EFCAB8: variants seen among roughly 807,000 people sequenced by gnomAD.
EFCAB8 encodes EF-hand calcium-binding domain-containing protein 8.
In EFCAB8, 100 loss-of-function variants were observed where a neutral mutation model predicts 116.3. The ratio of observed to expected loss-of-function variants is 0.86; its 90% CI spans 0.73 to 1.02. EFCAB8 has a LOEUF of 1.02. Ranked by LOEUF, EFCAB8 falls within the 50% of genes least tolerant of loss-of-function variation. The probability of loss-of-function intolerance (pLI) is 0.00; values close to 1 mark genes in which losing one functional copy is unlikely to be tolerated. For synonymous variants in EFCAB8, 558 were observed against 567.9 expected (o/e 0.98, Z 0.25); for missense variants, 1,320 against 1,416.9 (o/e 0.93, Z 1.10).
intron 23 of EFCAB8, among the ~76,000 whole-genome samples, chr20:32,949,898 G>C (rs539972117): frequency 6.6e-6 from 1 of 152,338 alleles, no homozygotes; most frequent in African/African-American, 2.4e-5. Context: ...TACTCGGGAG[G>C]CTGAGGCACA....
At chr20:32,862,636 T>A (rs1984170090) in intron 1 of EFCAB8, among the ~76,000 whole-genome samples, 1 of 152,090 alleles carries the variant, frequency 6.6e-6, no homozygotes, top group South Asian at 2.1e-4. Flanking sequence ...TTTTATTTTT[T>A]ATTTTTTTGG....
At chr20:32,893,013 G>C (rs914724101) in intron 8 of EFCAB8, among the ~76,000 whole-genome samples, 161 bp from the exon 9 acceptor site, 2 of 151,914 alleles carry the variant, frequency 1.3e-5, no homozygotes, top group African/African-American at 4.8e-5. Flanking sequence ...GCTAATTTTT[G>C]TATTTTTAGT....
At chr20:32,883,507 T>G (rs6141353) in intron 5 of EFCAB8, among the ~76,000 whole-genome samples, 98,363 of 152,044 alleles carry the variant, frequency 0.65, 32,281 homozygotes, top group Middle Eastern at 0.76. Flanking sequence ...ATAGCTTGAA[T>G]GGCGATTTAC....
chr20:32,891,597 C>G (rs1311782112), intron 7 of EFCAB8, among the ~76,000 whole-genome samples: 2 of 152,226 alleles, frequency 1.3e-5, no homozygotes, highest in African/African-American at 4.8e-5. Context: ...GGTACTCAGA[C>G]AAGGCCAAAA....
At chr20:32,915,012 C>T (rs1454742168) in intron 17 of EFCAB8, among the ~76,000 whole-genome samples, 1 of 152,136 alleles carries the variant, frequency 6.6e-6, no homozygotes, top group Non-Finnish European at 1.5e-5. Context: ...ATCCTCCCAC[C>T]CCAGCCTCCA....
chr20:32,860,525 G>A (rs1037769926), intron 1 of EFCAB8, among the ~76,000 whole-genome samples: 1 of 25,752 alleles, frequency 3.9e-5, no homozygotes, highest in African/African-American at 2.2e-4. Context: ...TTTTTTTTTT[G>A]AGATGGAGTC....
rs1056904181 is a variant in EFCAB8, at chr20:32,938,871, A to T, written c.2791-4765A>T. Among the ~76,000 whole-genome samples, 10 of 149,724 alleles carry T rather than the reference A, an allele frequency of 6.7e-5. 1 individual carries two copies. The highest frequency in any genetic ancestry group is 4.0e-4 in the Admixed American group (6 of 15,108). On this transcript the variant is annotated intron_variant, in intron 22 of 26. Transcript: ENST00000400522. ...CCCAAATTGATTTAATGCAATTTATATCAAAATCCCAGCTGCTTTCTCTTC... is the reference window on the plus strand; with the variant it reads ...CCCAAATTGATTTAATGCAATTTATTTCAAAATCCCAGCTGCTTTCTCTTC...
intron 20 of EFCAB8, among the ~76,000 whole-genome samples, chr20:32,925,257 T>C (rs1389647744): frequency 6.6e-6 from 1 of 152,202 alleles, no homozygotes; most frequent in African/African-American, 2.4e-5. Context: ...TCTCACTCTG[T>C]TGTCCAGGCT....
At chr20:32,929,017 C>T (rs1459068463) in intron 20 of EFCAB8, among the ~76,000 whole-genome samples, 1 of 151,446 alleles carries the variant, frequency 6.6e-6, no homozygotes, top group East Asian at 1.9e-4. Context: ...TCCTTGCATT[C>T]CAGGAATAAA....
chr20:32,909,907 C>T lies in EFCAB8; in HGVS notation c.1533C>T (p.Val511=), dbSNP rs1405226096. 7 of 1,249,396 alleles carry T rather than the reference C, an allele frequency of 5.6e-6. No individual in the cohort carries two copies. The highest frequency in any genetic ancestry group is 7.1e-6 in the Non-Finnish European group (7 of 988,004). The allele number at this position is 1,249,396 out of a possible 1,614,324, so 77.4% of individuals were successfully genotyped here. The change falls in exon 15 of 27, where the codon GTC becomes GTT. Residue 511 remains valine (V), a synonymous_variant. Coordinates refer to ENST00000400522, the MANE Select transcript of EFCAB8 (RefSeq NM_001143967.2). ...CTCATTGCTCACCCCTGTGTGCTGTCCTCTACAGCAAGATCTTTAAGCAGG... is the reference window on the plus strand; with the variant it reads ...CTCATTGCTCACCCCTGTGTGCTGTTCTCTACAGCAAGATCTTTAAGCAGG... The part of the protein sequence containing the change: ...RTTHCSPLCA[V]LYSKIFKQVV...
chr20:32,948,405 G>C (rs1988672821), intron 23 of EFCAB8, among the ~76,000 whole-genome samples: 1 of 151,926 alleles, frequency 6.6e-6, no homozygotes, highest in Admixed American at 6.6e-5. Flanking sequence ...ATATTTGAAG[G>C]GGAAATAATA....
Position 32,918,439 on chromosome 20 carries a change from C to T in EFCAB8, c.2139C>T (p.Tyr713=). 3.2e-6 allele frequency: 5 copies of T among 1,551,738 alleles called. No homozygotes were observed. The highest frequency in any genetic ancestry group is 4.4e-6 in the Non-Finnish European group (5 of 1,147,004). ...ATGTGGAGCGGGAGAAGTGGACATA[C>T]AAGACCTCCAGGAAGCTCTCCAGTC... The part of the protein sequence containing the change: ...RPYVEREKWT[Y]KTSRKLSSLS... The change falls in exon 19 of 27, where the codon TAC becomes TAT. Residue 713 remains tyrosine, a synonymous_variant. Coordinates refer to ENST00000400522, the MANE Select transcript of EFCAB8 (RefSeq NM_001143967.2).
At chr20:32,960,296 C>G (rs1350775423) in intron 26 of EFCAB8, 135 bp downstream of exon 26, 8 of 853,970 alleles carry the variant, frequency 9.4e-6, no homozygotes, top group South Asian at 8.6e-5. Flanking sequence ...TAACAGGATT[C>G]TGGGCCATGG....
intron 10 of EFCAB8, among the ~76,000 whole-genome samples, chr20:32,898,085 A>C (rs1986249543): frequency 6.6e-6 from 1 of 152,206 alleles, no homozygotes; most frequent in Non-Finnish European, 1.5e-5. Context: ...ACTCCACGCT[A>C]TGACAAACAT....
intron 22 of EFCAB8, among the ~76,000 whole-genome samples, chr20:32,940,003 G>GCCTCCCTCCTTCCCTC (rs1988342142): frequency 1.7e-5 from 1 of 57,930 alleles, no homozygotes; most frequent in African/African-American, 8.4e-5. Context: ...CTGCCTGCCT[G>GCCTCCCTCCTTCCCTC]CCTCCCTCCC....
chr20:32,931,602 C>A (rs1987914100), intron 22 of EFCAB8, among the ~76,000 whole-genome samples: 1 of 152,008 alleles, frequency 6.6e-6, no homozygotes, highest in Admixed American at 6.5e-5. Flanking sequence ...ACTAAAAATA[C>A]AAAAATTAGC....
At chr20:32,893,043 G>T in intron 8 of EFCAB8, 131 bp from the exon 9 acceptor site, 3 of 1,084,346 alleles carry the variant, frequency 2.8e-6, no homozygotes, top group South Asian at 3.1e-5. Context: ...GTTTCACCAC[G>T]TTGGCCAGGC....
chr20:32,900,851 AGCC>A (rs1262694312), intron 11 of EFCAB8, among the ~76,000 whole-genome samples: 2 of 152,014 alleles, frequency 1.3e-5, no homozygotes, highest in African/African-American at 2.4e-5. Flanking sequence ...TACAGGCGTG[AGCC>A]ACCATGCCCG....
rs200436868 is a variant in EFCAB8, at chr20:32,895,573, TTC to T, written c.884-879_884-878del. Among the ~76,000 whole-genome samples the T allele has an allele frequency of 4.2e-3, 634 of 149,222 alleles. 3 individuals carry two copies. Among genetic ancestry groups the T allele is most frequent in the African/African-American group, 0.014 (573 of 40,054 alleles). ...ACTGGTATCTTTTTTCTTTCTTTCT[TTC>T]TTTTTTTTTTTTTTAAGGCAGAGTC... is the stretch of plus-strand genomic sequence containing the variant. On this transcript the variant is annotated intron_variant, in intron 9 of 26. Transcript: ENST00000400522.
Sources: gnomAD v4.1 joint callset for allele counts (sites outside exome capture counted in the v4.1 genomes callset) on GRCh38, gnomAD v4.1.1 for gene constraint, MANE v1.5 for transcripts, NCBI Gene and HGNC (gene_info 2026-07-23, HGNC 2026-07-21) for gene names.